The following SPAG17 variants were observed in gnomAD, a reference collection of about 807,000 sequenced individuals.
The protein encoded by SPAG17 is sperm-associated antigen 17.
Under a neutral mutation model 273.6 loss-of-function variants are expected in SPAG17, and 169 were observed. That is an observed-to-expected ratio of 0.62 (90% CI 0.55 to 0.70). The LOEUF is 0.70. SPAG17 is among the 30% of genes least tolerant of loss of function. The pLI, the probability that SPAG17 is intolerant of heterozygous loss-of-function variation, is 0.00. For synonymous variants in SPAG17, 825 were observed against 873.2 expected (o/e 0.94, Z 0.97); for missense variants, 2,557 against 2,627.8 (o/e 0.97, Z 0.59).
At chr1:118,009,605 G>C (rs1201245894) in intron 30 of SPAG17, among the ~76,000 whole-genome samples, 1 of 152,088 alleles carries the variant, frequency 6.6e-6, no homozygotes, top group Non-Finnish European at 1.5e-5. Context: ...CAAATTAGAT[G>C]CCTTGAGGAT....
chr1:117,958,927 T>C (rs1652627933), intron 48 of SPAG17: 5 of 1,613,872 alleles, frequency 3.1e-6, no homozygotes, highest in Non-Finnish European at 2.5e-6. Flanking sequence ...TTTGGACAGA[T>C]CACTAGCAAT....
At chr1:118,141,836 G>A (rs375664514) in intron 3 of SPAG17, among the ~76,000 whole-genome samples, 45 of 152,156 alleles carry the variant, frequency 3.0e-4, no homozygotes, top group South Asian at 2.9e-3. Flanking sequence ...AAGGTGTTCC[G>A]TCATATTGAC....
rs551156842 is a variant in SPAG17 at position 117,975,217 on chromosome 1, G to C, written c.6005-1656C>G. On this transcript the variant is annotated intron_variant, in intron 43 of 48. Coordinates refer to ENST00000336338, the MANE Select transcript of SPAG17 (RefSeq NM_206996.4). ...TAGGGATGGGTCATGGTGGAGGCAGGGGGGATGTGGAGAGAAACAGGCATT... is the reference window on the plus strand; with the variant it reads ...TAGGGATGGGTCATGGTGGAGGCAGCGGGGATGTGGAGAGAAACAGGCATT... Among the ~76,000 whole-genome samples the C allele has an allele frequency of 2.0e-5, 3 of 152,116 alleles. No homozygotes were observed. The East Asian group carries it at 5.8e-4, about 29-fold the overall frequency.
intron 3 of SPAG17, among the ~76,000 whole-genome samples, chr1:118,149,491 G>A (rs182731431): frequency 2.6e-5 from 4 of 152,160 alleles, no homozygotes; most frequent in African/African-American, 9.7e-5. Context: ...AATGTTTCAA[G>A]TGGAGCACAC....
intron 19 of SPAG17, among the ~76,000 whole-genome samples, chr1:118,054,634 T>C (rs989254064): frequency 1.3e-5 from 2 of 152,100 alleles, no homozygotes; most frequent in African/African-American, 4.8e-5. Context: ...TCACATTTTT[T>C]TCTTACTAAT....
In SPAG17 at chr1:117,970,161, C is replaced by G. The variant is rs746586237; in HGVS notation, c.6327-45G>C. ...AAATAAATTTATGACATAATGAAACCCATGAGCAATGAATAAGCTGGGATG... is the reference window on the plus strand; with the variant it reads ...AAATAAATTTATGACATAATGAAACGCATGAGCAATGAATAAGCTGGGATG... On this transcript the variant is annotated intron_variant, in intron 45 of 48. Coordinates refer to ENST00000336338, the MANE Select transcript of SPAG17 (RefSeq NM_206996.4). 5.1e-6 allele frequency: 8 copies of G among 1,569,542 alleles called. No homozygotes were observed. The East Asian group carries it at 1.6e-4, about 31-fold the overall frequency.
At chr1:118,133,796 CACCTAATATCTGTTGTGA>C (rs1324618954) in intron 3 of SPAG17, among the ~76,000 whole-genome samples, 1 of 152,162 alleles carries the variant, frequency 6.6e-6, no homozygotes, top group Non-Finnish European at 1.5e-5. Context: ...TTATTCACAG[CACCTAATATCTGTTGTGA>C]AATTACTTAA....
At chr1:117,979,304 A>T (rs1177259102) in intron 43 of SPAG17, among the ~76,000 whole-genome samples, 1 of 152,140 alleles carries the variant, frequency 6.6e-6, no homozygotes, top group Non-Finnish European at 1.5e-5. Context: ...AACTCATCAA[A>T]ACTACAAATT....
At chr1:117,959,191 A>C in intron 48 of SPAG17, 3 of 1,442,592 alleles carry the variant, frequency 2.1e-6, no homozygotes, top group Non-Finnish European at 2.8e-6. Flanking sequence ...GGGAAAGATA[A>C]GTAACAACAC....
At chr1:117,963,505 A>T in intron 48 of SPAG17, 1 of 176,404 alleles carries the variant, frequency 5.7e-6, no homozygotes, top group Non-Finnish European at 1.2e-5. Flanking sequence ...CTGGGACTAC[A>T]GGCACCCGCC....
At chr1:118,153,800 G>A (rs1207678396) in intron 1 of SPAG17, among the ~76,000 whole-genome samples, 2 of 152,040 alleles carry the variant, frequency 1.3e-5, no homozygotes, top group African/African-American at 4.8e-5. Context: ...AGCTGAGATC[G>A]CACCACTGCA....
At chr1:118,024,862 T>G (rs559064513) in intron 27 of SPAG17, among the ~76,000 whole-genome samples, 1 of 152,350 alleles carries the variant, frequency 6.6e-6, no homozygotes, top group African/African-American at 2.4e-5. Context: ...TGATCTCATC[T>G]GATCTGCATT....
chr1:117,969,143 G>A (rs1455661849), intron 46 of SPAG17, among the ~76,000 whole-genome samples: 1 of 151,918 alleles, frequency 6.6e-6, no homozygotes, highest in Non-Finnish European at 1.5e-5. Context: ...AATTTAAAGT[G>A]AGAATATGCT....
intron 26 of SPAG17, among the ~76,000 whole-genome samples, chr1:118,026,610 G>A (rs969548498): frequency 6.6e-6 from 1 of 152,116 alleles, no homozygotes; most frequent in Non-Finnish European, 1.5e-5. Context: ...ATTTTCCAGA[G>A]TTTTCAGATG....
chr1:118,157,169 C>G (rs1193296355), intron 1 of SPAG17, among the ~76,000 whole-genome samples: 1 of 152,128 alleles, frequency 6.6e-6, no homozygotes, highest in Non-Finnish European at 1.5e-5. Context: ...AAACATTTAC[C>G]AGCATATCAC....
intron 47 of SPAG17, 132 bp from the exon 48 acceptor site, chr1:117,964,070 T>G: frequency 1.1e-6 from 1 of 944,984 alleles, no homozygotes; most frequent in Non-Finnish European, 1.6e-6. Context: ...GTCTATCCAA[T>G]GCAAATTCTG....
At chr1:118,102,199 G>A (rs1656114407) in intron 4 of SPAG17, among the ~76,000 whole-genome samples, 5 of 152,318 alleles carry the variant, frequency 3.3e-5, no homozygotes, top group African/African-American at 9.6e-5. Context: ...AGAGCCAAGT[G>A]TGGCCTAAGA....
In SPAG17 at chr1:118,040,859, A is replaced by G. The variant is rs1322745099; in HGVS notation, c.3055-18T>C. On this transcript the variant is annotated intron_variant, in intron 21 of 48. Coordinates refer to ENST00000336338, the MANE Select transcript of SPAG17 (RefSeq NM_206996.4). Reference sequence around the variant, plus strand: ...CCGTGAAACTAGAAGAGAAAATATTATGCTTTGAGTGTGAAGCTGCAATAG... The same window carrying G: ...CCGTGAAACTAGAAGAGAAAATATTGTGCTTTGAGTGTGAAGCTGCAATAG... 6.8e-7 allele frequency: 1 copy of G among 1,479,886 alleles called. No individual in the cohort carries two copies. Among genetic ancestry groups the G allele is most frequent in the Non-Finnish European group, 9.5e-7 (1 of 1,057,146 alleles). The allele number at this position is 1,479,886 out of a possible 1,614,324, so 91.7% of individuals were successfully genotyped here. A position where few individuals can be genotyped will look rare whatever the true frequency, so the allele number is the denominator to read the frequency against.
At chr1:117,984,563 G>C in intron 41 of SPAG17, 120 bp downstream of exon 41, 2 of 651,544 alleles carry the variant, frequency 3.1e-6, no homozygotes, top group South Asian at 2.1e-5. Flanking sequence ...AGGTTAGTCA[G>C]CCAGGTCGAT....
Sources: allele counts gnomAD v4.1 joint callset (sites outside exome capture counted in the v4.1 genomes callset), GRCh38; gene constraint gnomAD v4.1.1; transcripts MANE v1.5; gene names NCBI Gene and HGNC (gene_info 2026-07-23, HGNC 2026-07-21).